NDE1: variants seen among roughly 807,000 people sequenced by gnomAD.
The protein encoded by NDE1 is nudE neurodevelopment protein 1.
Under a neutral mutation model 43.4 loss-of-function variants are expected in NDE1, and 28 were observed. That is an observed-to-expected ratio of 0.65 (90% confidence interval 0.48 to 0.89). The LOEUF is 0.89. Ranked by LOEUF, NDE1 falls within the 40% of genes least tolerant of loss-of-function variation. The pLI, the probability that NDE1 is intolerant of heterozygous loss-of-function variation, is 0.00. For missense variants in NDE1, 441 were observed against 434.1 expected (o/e 1.02, Z -0.14); for synonymous variants, 184 against 172.0 (o/e 1.07, Z -0.55).
intron 4 of NDE1, chr16:15,684,529 G>T (rs79476142): frequency 1.8e-3 from 265 of 150,276 alleles, no homozygotes; most frequent in African/African-American, 6.2e-3. Flanking sequence ...GGAGGCAGAG[G>T]TTGCACTCCG....
Position 15,719,702 on chromosome 16 carries a change from C to A in NDE1, c.948-4489C>A. On this transcript the variant is annotated intron_variant, in intron 8 of 8. Transcript: ENST00000396354. ...CATCTTCCAGCTCTCTTTGAAAGTC[C>A]TTCATCTGAGCCTGCATGAGTCAAC... 1 of 1,614,180 alleles carries A rather than the reference C, an allele frequency of 6.2e-7. No homozygotes were observed. The highest frequency in any genetic ancestry group is 1.3e-5 in the African/African-American group (1 of 75,046).
At chr16:15,718,337 C>A (rs142546324) in intron 8 of NDE1, 2 of 1,609,080 alleles carry the variant, frequency 1.2e-6, no homozygotes, top group Non-Finnish European at 1.7e-6. Flanking sequence ...TTTGCGGACC[C>A]GGTCGCTCAT....
chr16:15,717,063 G>T, intron 8 of NDE1: 1 of 1,464,238 alleles, frequency 6.8e-7, no homozygotes, highest in Non-Finnish European at 9.6e-7. Flanking sequence ...TGCTGGAAGA[G>T]GTTCCCTGAC....
At chr16:15,696,943 C>A (rs773545150) in intron 8 of NDE1, 83 bp downstream of exon 8, 2 of 1,571,772 alleles carry the variant, frequency 1.3e-6, no homozygotes, top group African/African-American at 2.7e-5. Flanking sequence ...AGCCCACAGC[C>A]ATGTGTCTTT....
At chr16:15,644,628 AAAG>A in intron 1 of NDE1, among the ~76,000 whole-genome samples, 1 of 152,324 alleles carries the variant, frequency 6.6e-6, no homozygotes, top group African/African-American at 2.4e-5. Context: ...AAAGAAAGAA[AAAG>A]AAAAAAATCT....
At chr16:15,654,260 T>C (rs2036644484) in intron 1 of NDE1, among the ~76,000 whole-genome samples, 1 of 152,038 alleles carries the variant, frequency 6.6e-6, no homozygotes, top group African/African-American at 2.4e-5. Flanking sequence ...AAGTTGTATA[T>C]ACTGAGACCA....
rs1038022095 is a variant in NDE1, at chr16:15,687,082, C to T, written c.387-293C>T. The T allele has an allele frequency of 2.2e-4, 279 of 1,271,582 alleles. 1 individual carries two copies. Among genetic ancestry groups the T allele is most frequent in the South Asian group, 1.0e-3 (65 of 64,388 alleles). The allele number at this position is 1,271,582 out of a possible 1,614,324, so 78.8% of individuals were successfully genotyped here. ...GTGGTCTTCTCAAACCACCAAATGC[C>T]ACATGCAGTCCTGATAGGGCTTTGG... On this transcript the variant is annotated intron_variant, in intron 4 of 8. Transcript: ENST00000396354.
At chr16:15,689,829 A>G (rs1457564301) in intron 5 of NDE1, among the ~76,000 whole-genome samples, 1 of 147,584 alleles carries the variant, frequency 6.8e-6, no homozygotes, top group Non-Finnish European at 1.5e-5. Context: ...AATCCCAGCT[A>G]CTTGGGAGGC....
At chr16:15,666,853 G>A (rs1435925001) in intron 2 of NDE1, among the ~76,000 whole-genome samples, 1 of 152,114 alleles carries the variant, frequency 6.6e-6, no homozygotes, top group Non-Finnish European at 1.5e-5. Flanking sequence ...GGAACTCCTG[G>A]CCTCAAGTAA....
rs374111600 is a variant in NDE1 at position 15,675,846 on chromosome 16, G to A, written c.238-1955G>A. On this transcript the variant is annotated intron_variant, in intron 3 of 8. Transcript: ENST00000396354. ...GGGGCTGGTTAGCATAATTGCTTAAGGACACCTGCTCAGGAGGCTGGGGTT... is the reference window on the plus strand; with the variant it reads ...GGGGCTGGTTAGCATAATTGCTTAAAGACACCTGCTCAGGAGGCTGGGGTT... 5.9e-5 allele frequency among the ~76,000 whole-genome samples: 9 copies of A among 152,278 alleles called. No individual in the cohort carries two copies. The East Asian group carries it at 1.5e-3, about 26-fold the overall frequency.
chr16:15,687,065 C>A, intron 4 of NDE1: 1 of 1,241,234 alleles, frequency 8.1e-7, no homozygotes, highest in Non-Finnish European at 1.0e-6. Context: ...TAGTGGTCTT[C>A]TCAAACCACC....
upstream of NDE1, among the ~76,000 whole-genome samples, chr16:15,648,034 C>CA (rs34798321): frequency 0.48 from 58,315 of 121,184 alleles, 11,490 homozygotes; most frequent in Middle Eastern, 0.58. Context: ...CTCTGTCTCA[C>CA]AAAAAAAAAA....
upstream of NDE1, among the ~76,000 whole-genome samples, chr16:15,645,457 C>T (rs902466777): frequency 4.6e-5 from 7 of 152,084 alleles, no homozygotes; most frequent in African/African-American, 1.4e-4. Context: ...TGGTGTGACA[C>T]TTGTCTCTAT....
intron 8 of NDE1, chr16:15,702,040 T>G (rs2039237895): frequency 6.6e-6 from 1 of 152,224 alleles, no homozygotes; most frequent in Non-Finnish European, 1.5e-5. Flanking sequence ...TTTGAAAATT[T>G]CTATTCAAGC....
At chr16:15,644,863 A>T (rs1181466102) in intron 1 of NDE1, among the ~76,000 whole-genome samples, 3 of 152,070 alleles carry the variant, frequency 2.0e-5, no homozygotes, top group Admixed American at 1.3e-4. Context: ...TGCTTTTTTT[A>T]AAAAATAGTT....
At chr16:15,719,864 G>T in intron 8 of NDE1, 1 of 1,207,970 alleles carries the variant, frequency 8.3e-7, no homozygotes, top group Non-Finnish European at 1.2e-6. Flanking sequence ...AGTTCCAGGT[G>T]GCTGGTGGTG....
chr16:15,706,299 A>G (rs1464058591), intron 8 of NDE1, among the ~76,000 whole-genome samples: 1 of 152,098 alleles, frequency 6.6e-6, no homozygotes, highest in Non-Finnish European at 1.5e-5. Flanking sequence ...CTGTTTTCCA[A>G]GCGCTTGACT....
intron 8 of NDE1, among the ~76,000 whole-genome samples, chr16:15,702,448 T>C (rs893220988): frequency 1.3e-5 from 2 of 152,080 alleles, no homozygotes; most frequent in African/African-American, 4.8e-5. Context: ...TGCAGTGCAG[T>C]GGCGTGATCA....
upstream of NDE1, among the ~76,000 whole-genome samples, chr16:15,645,455 C>T (rs2151378293): frequency 6.6e-6 from 1 of 152,200 alleles, no homozygotes; most frequent in South Asian, 2.1e-4. Flanking sequence ...CATGGTGTGA[C>T]ACTTGTCTCT....
Sources: allele counts gnomAD v4.1 joint callset (sites outside exome capture counted in the v4.1 genomes callset), GRCh38; gene constraint gnomAD v4.1.1; transcripts MANE v1.5; gene names NCBI Gene and HGNC (gene_info 2026-07-23, HGNC 2026-07-21).